The following PRKD2 variants were observed in gnomAD, a reference collection of about 807,000 sequenced individuals.
PRKD2 encodes the protein protein kinase D2.
In PRKD2, 22 loss-of-function variants were observed where a neutral mutation model predicts 86.0. That is an observed-to-expected ratio of 0.26 (90% CI 0.18 to 0.37). The LOEUF (loss-of-function observed/expected upper bound fraction) is 0.37, where lower values mean the gene tolerates loss of function less well. Among genes scored for constraint, PRKD2 ranks in the 10% least tolerant of loss-of-function variants. The pLI, the probability that PRKD2 is intolerant of heterozygous loss-of-function variation, is 1.00. For synonymous variants in PRKD2, 509 were observed against 510.9 expected, an observed-to-expected ratio of 1.00 and a Z score of 0.05; for missense variants, 818 against 1,199.2, an observed-to-expected ratio of 0.68 and a Z score of 4.70.
intron 8 of PRKD2, 126 bp from the exon 9 acceptor site, chr19:46,697,360 CCACGCCGTAACCCCACCCCACCA>C (rs1256269295): frequency 2.9e-6 from 2 of 697,098 alleles, no homozygotes; most frequent in African/African-American, 3.6e-5. Flanking sequence ...AGCACCTACC[CCACGCCGTAACCCCACCCCACCA>C]CACGCCCTAA....
rs995441485 is a variant in PRKD2, at chr19:46,678,133, C to G, written c.2338+263G>C. On this transcript the variant is annotated intron_variant, in intron 16 of 17. Coordinates refer to ENST00000291281, the MANE Select transcript of PRKD2 (RefSeq NM_016457.5). The surrounding 1 kb of genome is among the most constrained non-coding windows in gnomAD (Gnocchi z 5.7). ...AGACAAGCCAAGTCTCACTCAGCCC[C>G]CCTAAGGTTCCAAGTGTCCTCAGCG... 2.6e-5 allele frequency among the ~76,000 whole-genome samples: 4 copies of G among 152,164 alleles called. No individual in the cohort carries two copies. Among genetic ancestry groups the G allele is most frequent in the African/African-American group, 7.2e-5 (3 of 41,430 alleles).
intron 9 of PRKD2, among the ~76,000 whole-genome samples, chr19:46,696,448 T>C (rs1451537956): frequency 1.3e-5 from 2 of 151,982 alleles, no homozygotes; most frequent in Admixed American, 1.3e-4. Context: ...ACGCACACAA[T>C]GCAATACATT....
In PRKD2 at chr19:46,677,824, C is replaced by T. The variant is rs139627702; in HGVS notation, c.2338+572G>A. Among the ~76,000 whole-genome samples the T allele has an allele frequency of 3.8e-3, 572 of 152,274 alleles. 1 individual carries two copies. The highest frequency in any genetic ancestry group is 0.012 in the African/African-American group (479 of 41,552). ...CCTGTTCCTGGACCTCTTCGGAAAC[C>T]CTCCACGGCCACGTCCCTAGACTGG... On this transcript the variant is annotated intron_variant, in intron 16 of 17. Coordinates refer to ENST00000291281, the MANE Select transcript of PRKD2 (RefSeq NM_016457.5).
At position 46,707,547 on chromosome 19, in the gene PRKD2, G is replaced by A. The variant is rs534654297; in HGVS notation, c.512-2898C>T. Among the ~76,000 whole-genome samples the A allele has an allele frequency of 3.9e-5, 6 of 152,182 alleles. No individual in the cohort carries two copies. In the East Asian group the frequency reaches 7.7e-4, roughly 20 times the overall value. On this transcript the variant is annotated intron_variant, in intron 3 of 17. Coordinates refer to ENST00000291281, the MANE Select transcript of PRKD2 (RefSeq NM_016457.5). Reference sequence around the variant, plus strand: ...AGAGGTTGCAGTGAGCCAAGACCACGCCACTGCACTCCATCCTGGGTGACG... The same window carrying A: ...AGAGGTTGCAGTGAGCCAAGACCACACCACTGCACTCCATCCTGGGTGACG...
intron 9 of PRKD2, among the ~76,000 whole-genome samples, chr19:46,696,140 A>G (rs1381999526): frequency 6.6e-6 from 1 of 152,154 alleles, no homozygotes; most frequent in Admixed American, 6.6e-5. Flanking sequence ...CGCCTGGCCA[A>G]GGACAGCATT....
intron 14 of PRKD2, among the ~76,000 whole-genome samples, chr19:46,682,823 A>G (rs2053328770): frequency 6.7e-6 from 1 of 148,736 alleles, no homozygotes; most frequent in African/African-American, 2.5e-5. Flanking sequence ...TCCCACCTCA[A>G]CCTCCCTAGT....
intron 17 of PRKD2, 126 bp downstream of exon 17, chr19:46,674,907 G>T: frequency 8.4e-7 from 1 of 1,193,722 alleles, no homozygotes. Flanking sequence ...CCAGCCAATG[G>T]GAGGCCTAGC....
At chr19:46,698,828 TG>T (rs1333318162) in intron 7 of PRKD2, among the ~76,000 whole-genome samples, 1 of 152,194 alleles carries the variant, frequency 6.6e-6, no homozygotes, top group East Asian at 1.9e-4. Flanking sequence ...GATCAGAACC[TG>T]GGTGGCCTTG....
rs2053248438 is a variant in PRKD2 at position 46,678,622 on chromosome 19, C to T, written c.2112G>A (p.Glu704=). ...CDFGFARIIG[E]KSFRRSVVGT... is the part of the protein sequence containing the mutation. ...CCACCACTGAGCGGCGGAACGACTT[C>T]TCGCCGATGATGCGAGCAAAGCCAA... The change falls in exon 16 of 18, where the codon GAG becomes GAA. Residue 704 remains glutamate (E), a synonymous_variant. Coordinates refer to ENST00000291281, the MANE Select transcript of PRKD2 (RefSeq NM_016457.5). The surrounding 1 kb of genome is among the most constrained non-coding windows in gnomAD (Gnocchi z 5.7). The T allele has an allele frequency of 6.2e-7, 1 of 1,610,702 alleles. No individual in the cohort carries two copies. The highest frequency in any genetic ancestry group is 1.3e-5 in the African/African-American group (1 of 74,950).
chr19:46,699,403 T>C (rs1211517611), intron 7 of PRKD2, among the ~76,000 whole-genome samples: 1 of 152,216 alleles, frequency 6.6e-6, no homozygotes, highest in Non-Finnish European at 1.5e-5. Context: ...GGCAGACTTT[T>C]ACCTCTTTTG....
chr19:46,702,635 T>G (rs1402770418), intron 5 of PRKD2, among the ~76,000 whole-genome samples: 1 of 152,060 alleles, frequency 6.6e-6, no homozygotes, highest in Non-Finnish European at 1.5e-5. Context: ...AGTAAATTCT[T>G]GAATTGGATG....
chr19:46,690,767 G>A (rs905306620), intron 12 of PRKD2, 61 bp from the exon 13 acceptor site: 41 of 1,460,322 alleles, frequency 2.8e-5, no homozygotes, highest in African/African-American at 4.2e-5. Flanking sequence ...CCTGGCAGGA[G>A]TATCTCCACC....
At chr19:46,707,967 G>A (rs2053739861) in intron 3 of PRKD2, among the ~76,000 whole-genome samples, 3 of 152,020 alleles carry the variant, frequency 2.0e-5, no homozygotes, top group South Asian at 2.1e-4. Flanking sequence ...CAGTAATGGT[G>A]TGTGCCTGTA....
chr19:46,700,877 C>T lies in PRKD2; in HGVS notation c.1043G>A (p.Gly348Asp), dbSNP rs374895780. Residue 348 changes from glycine to aspartate, a missense_variant, in exon 7 of 18, where the codon GGT (glycine) becomes GAT (aspartate). By Grantham distance (94) the Gly-to-Asp change is moderately conservative. Transcript: ENST00000291281. ...SALMDESEDSGVIPGSHSENA... is the reference protein window; with the variant it reads ...SALMDESEDSDVIPGSHSENA... ...CTCTGAGTGGGAGCCAGGGATGACA[C>T]CGGAGTCCTCTGACTCATCCATGAG... is the stretch of plus-strand genomic sequence containing the variant. The T allele has an allele frequency of 1.7e-5, 28 of 1,614,148 alleles. No individual in the cohort carries two copies. The highest frequency in any genetic ancestry group is 2.2e-5 in the Non-Finnish European group (26 of 1,180,050).
chr19:46,702,522 A>C (rs750273761), intron 5 of PRKD2, among the ~76,000 whole-genome samples: 2 of 152,168 alleles, frequency 1.3e-5, no homozygotes, highest in Non-Finnish European at 2.9e-5. Flanking sequence ...CAGAATCTGC[A>C]GATTCCAAGG....
At chr19:46,707,185 C>A (rs2053726181) in intron 3 of PRKD2, among the ~76,000 whole-genome samples, 2 of 152,288 alleles carry the variant, frequency 1.3e-5, no homozygotes, top group African/African-American at 4.8e-5. Context: ...AGCCACCGTG[C>A]CTGGCCCAGA....
chr19:46,704,387 C>A lies in PRKD2; in HGVS notation c.671G>T (p.Arg224Leu). 6.2e-7 allele frequency: 1 copy of A among 1,613,942 alleles called. No homozygotes were observed. The highest frequency in any genetic ancestry group is 8.5e-7 in the Non-Finnish European group (1 of 1,180,000). The change falls in exon 5 of 18, where the codon CGT (arginine) becomes CTT (leucine). Residue 224 changes from arginine to leucine, a missense_variant. By Grantham distance (102) the Arg-to-Leu change is moderately radical. Around this residue, in one of 5 missense-constraint regions of PRKD2, gnomAD observed 403 missense variants for 518.6 expected, o/e 0.78. Coordinates refer to ENST00000291281, the MANE Select transcript of PRKD2 (RefSeq NM_016457.5). ...SLPCTAEELS[R>L]STTELLPRRP... ...GCGAGGCAGGAGTTCGGTGGTGCTA[C>A]GGCTCTGTCGTTGGCAAGAATGGAG...
intron 7 of PRKD2, 105 bp downstream of exon 7, chr19:46,700,694 T>A: frequency 7.1e-7 from 1 of 1,406,720 alleles, no homozygotes; most frequent in South Asian, 1.5e-5. Context: ...ACTGGGAAAA[T>A]TTATAAATAT....
At chr19:46,676,729 G>A (rs116830633) in intron 16 of PRKD2, among the ~76,000 whole-genome samples, 1 of 152,122 alleles carries the variant, frequency 6.6e-6, no homozygotes, top group African/African-American at 2.4e-5. Flanking sequence ...GTGCACACTC[G>A]ATGCACTTTT....
Sources: allele counts gnomAD v4.1 joint callset (sites outside exome capture counted in the v4.1 genomes callset), GRCh38; gene constraint gnomAD v4.1.1; regional missense constraint gnomAD v4.1.1; non-coding constraint Gnocchi (gnomAD v3.1); transcripts MANE v1.5; gene names NCBI Gene and HGNC (gene_info 2026-07-23, HGNC 2026-07-21).